Variants in ANGPT1 observed in about 807,000 individuals in gnomAD.
The protein encoded by ANGPT1 is angiopoietin 1.
A neutral mutation model predicts 62.2 loss-of-function variants in ANGPT1; 17 were observed. The observed-to-expected ratio is 0.27, with a 90% CI of 0.19 to 0.41. The LOEUF (loss-of-function observed/expected upper bound fraction) is 0.41, where lower values mean the gene tolerates loss of function less well. Ranked by LOEUF, ANGPT1 falls within the 10% of genes least tolerant of loss-of-function variation. ANGPT1 has a pLI of 1.00. For synonymous variants in ANGPT1, 199 were observed against 198.9 expected, an observed-to-expected ratio of 1.00 and a Z score of 0.00; for missense variants, 478 against 594.9, an observed-to-expected ratio of 0.80 and a Z score of 2.04.
intron 5 of ANGPT1, among the ~76,000 whole-genome samples, chr8:107,301,864 G>A (rs1586203169): frequency 6.6e-6 from 1 of 151,898 alleles, no homozygotes; most frequent in African/African-American, 2.4e-5. Flanking sequence ...AGAGGACAGT[G>A]GTAAAAGGGA....
chr8:107,439,342 C>T (rs1811412725), intron 1 of ANGPT1, among the ~76,000 whole-genome samples: 1 of 152,160 alleles, frequency 6.6e-6, no homozygotes, highest in African/African-American at 2.4e-5. Flanking sequence ...CTGTATTGTA[C>T]AAAGTTTTCT....
chr8:107,422,404 A>T (rs914605088), intron 1 of ANGPT1, among the ~76,000 whole-genome samples: 1 of 152,220 alleles, frequency 6.6e-6, no homozygotes, highest in Non-Finnish European at 1.5e-5. Context: ...CTCATGCCAC[A>T]TTGCAGTTGT....
intron 3 of ANGPT1, among the ~76,000 whole-genome samples, chr8:107,332,460 C>T (rs1270721161): frequency 1.3e-5 from 2 of 152,144 alleles, no homozygotes; most frequent in African/African-American, 4.8e-5. Context: ...GCAGAGCAAA[C>T]GTTGCTAATC....
chr8:107,467,539 A>G (rs1010435786), intron 1 of ANGPT1, among the ~76,000 whole-genome samples: 3 of 152,096 alleles, frequency 2.0e-5, no homozygotes, highest in Admixed American at 6.6e-5. Context: ...GGATTTTATG[A>G]TCCAGTGGTA....
chr8:107,324,215 A>ATGTATATATATATGTGTG lies in ANGPT1; in HGVS notation c.576-2088_576-2087insCACACATATATATATACA, dbSNP rs1554582627. The stretch of plus-strand genomic sequence containing the variant: ...TATATGTATATATATGTATATATAT[A>ATGTATATATATATGTGTG]TGTGTGTGTGTGTGTGTGTGTGAAG... On this transcript the variant is annotated intron_variant, in intron 3 of 8. Transcript: ENST00000517746. 9.7e-3 allele frequency among the ~76,000 whole-genome samples: 1,408 copies of ATGTATATATATATGTGTG among 144,796 alleles called. 30 individuals carry two copies. Among genetic ancestry groups the ATGTATATATATATGTGTG allele is most frequent in the African/African-American group, 0.035 (1,323 of 38,252 alleles). 95.0% of individuals were successfully genotyped at this position (144,796 alleles called of 152,430 possible).
At chr8:107,258,492 T>A (rs1257872343) in intron 8 of ANGPT1, among the ~76,000 whole-genome samples, 2 of 152,200 alleles carry the variant, frequency 1.3e-5, no homozygotes, top group Non-Finnish European at 2.9e-5. Flanking sequence ...AATTGGTTAT[T>A]TCTCATCCAC....
At chr8:107,353,062 T>C (rs1815967510) in intron 1 of ANGPT1, among the ~76,000 whole-genome samples, 1 of 152,200 alleles carries the variant, frequency 6.6e-6, no homozygotes, top group African/African-American at 2.4e-5. Flanking sequence ...TGGAGAAATA[T>C]AATTGTCTTT....
chr8:107,458,689 A>G (rs1394637236), intron 1 of ANGPT1, among the ~76,000 whole-genome samples: 3 of 152,100 alleles, frequency 2.0e-5, no homozygotes, highest in Non-Finnish European at 4.4e-5. Context: ...AGAAAGGTGA[A>G]CTCTAAATAT....
intron 1 of ANGPT1, among the ~76,000 whole-genome samples, chr8:107,478,987 T>C (rs891692157): frequency 6.6e-6 from 1 of 152,150 alleles, no homozygotes; most frequent in African/African-American, 2.4e-5. Context: ...TAAAACGTGA[T>C]TTTAACAGTT....
chr8:107,454,458 C>T (rs1811862167), intron 1 of ANGPT1, among the ~76,000 whole-genome samples: 1 of 152,010 alleles, frequency 6.6e-6, no homozygotes, highest in Non-Finnish European at 1.5e-5. Flanking sequence ...CTTTTGATTA[C>T]CTGGTAGTGT....
intron 7 of ANGPT1, 26 bp downstream of exon 7, chr8:107,284,656 G>A (rs759067470): frequency 5.6e-6 from 8 of 1,433,742 alleles, no homozygotes; most frequent in East Asian, 5.1e-5. Flanking sequence ...AAAGGTAGTC[G>A]AACACTACAC....
At chr8:107,322,183 C>T (rs563819937) in intron 3 of ANGPT1, 55 bp from the exon 4 acceptor site, 21 of 1,275,238 alleles carry the variant, frequency 1.6e-5, no homozygotes, top group South Asian at 9.9e-5. Context: ...ACAAAAAAAC[C>T]CTTATAATTC....
chr8:107,280,516 A>G (rs1813979458), intron 7 of ANGPT1, among the ~76,000 whole-genome samples: 1 of 152,198 alleles, frequency 6.6e-6, no homozygotes, highest in Non-Finnish European at 1.5e-5. Context: ...GGTATCAGGG[A>G]AGACTTGGAA....
intron 1 of ANGPT1, among the ~76,000 whole-genome samples, chr8:107,349,440 A>C (rs749797940): frequency 1.3e-5 from 2 of 152,154 alleles, no homozygotes; most frequent in Non-Finnish European, 2.9e-5. Flanking sequence ...ACGTTAAGAG[A>C]ATATTCCTTA....
At chr8:107,369,997 G>A (rs1251085217) in intron 1 of ANGPT1, among the ~76,000 whole-genome samples, 1 of 151,676 alleles carries the variant, frequency 6.6e-6, no homozygotes, top group African/African-American at 2.4e-5. Context: ...TTTGCTGGGT[G>A]TGGTGGCACG....
intron 7 of ANGPT1, among the ~76,000 whole-genome samples, chr8:107,272,900 A>G (rs1300539115): frequency 6.6e-6 from 1 of 151,776 alleles, no homozygotes; most frequent in Non-Finnish European, 1.5e-5. Flanking sequence ...AAAAAAAAAA[A>G]AAACTGAGTG....
At chr8:107,441,071 G>C (rs993290207) in intron 1 of ANGPT1, among the ~76,000 whole-genome samples, 6 of 152,154 alleles carry the variant, frequency 3.9e-5, no homozygotes, top group Non-Finnish European at 8.8e-5. Context: ...TAACTACACA[G>C]TTTATTCAAC....
At chr8:107,449,574 G>A (rs1811711534) in intron 1 of ANGPT1, among the ~76,000 whole-genome samples, 1 of 151,958 alleles carries the variant, frequency 6.6e-6, no homozygotes, top group Non-Finnish European at 1.5e-5. Flanking sequence ...TTGCATAGAA[G>A]GAAGTATTTT....
intron 1 of ANGPT1, among the ~76,000 whole-genome samples, chr8:107,375,158 C>G (rs1277111954): frequency 6.2e-5 from 1 of 16,068 alleles, no homozygotes; most frequent in Non-Finnish European, 1.7e-4. Flanking sequence ...GACTCCATCT[C>G]AAACAAACAA....
Sources: gnomAD v4.1 joint callset for allele counts (sites outside exome capture counted in the v4.1 genomes callset) on GRCh38, gnomAD v4.1.1 for gene constraint, MANE v1.5 for transcripts, NCBI Gene and HGNC (gene_info 2026-07-23, HGNC 2026-07-21) for gene names.